Variants in DLGAP1 observed in about 807,000 individuals in gnomAD.
The protein encoded by DLGAP1 is DLG associated protein 1.
Under a neutral mutation model 90.8 loss-of-function variants are expected in DLGAP1, and 11 were observed. The observed-to-expected ratio is 0.12, with a 90% CI of 0.08 to 0.20. DLGAP1 has a LOEUF of 0.20. DLGAP1 is among the 10% of genes least tolerant of loss of function. DLGAP1 has a pLI of 1.00. For synonymous variants in DLGAP1, 558 were observed against 540.7 expected, an observed-to-expected ratio of 1.03 and a Z score of -0.44; for missense variants, 1,050 against 1,333.8, an observed-to-expected ratio of 0.79 and a Z score of 3.31.
At chr18:3,943,451 G>T (rs1177419463) in intron 3 of DLGAP1, among the ~76,000 whole-genome samples, 7 of 131,240 alleles carry the variant, frequency 5.3e-5, no homozygotes, top group Admixed American at 1.6e-4. Context: ...GAAAGAGAGG[G>T]TTTTTTTTTT....
intron 1 of DLGAP1, among the ~76,000 whole-genome samples, chr18:4,225,543 A>G (rs138818334): frequency 1.3e-5 from 2 of 152,256 alleles, no homozygotes; most frequent in East Asian, 1.9e-4. Context: ...AGGAAACTCA[A>G]TGAAATTCAA....
intron 4 of DLGAP1, among the ~76,000 whole-genome samples, chr18:3,849,901 G>A (rs191643475): frequency 7.2e-5 from 11 of 152,208 alleles, no homozygotes; most frequent in Middle Eastern, 6.8e-3. Context: ...CATTAACTGC[G>A]ATTAGCAAAA....
At chr18:3,693,660 C>T (rs1469001659) in intron 7 of DLGAP1, among the ~76,000 whole-genome samples, 2 of 152,078 alleles carry the variant, frequency 1.3e-5, no homozygotes, top group Admixed American at 6.6e-5. Context: ...TACTGAGGAC[C>T]ATAAATTCTC....
chr18:4,056,563 G>A (rs1199460832), intron 2 of DLGAP1, among the ~76,000 whole-genome samples: 1 of 152,118 alleles, frequency 6.6e-6, no homozygotes, highest in Non-Finnish European at 1.5e-5. Context: ...AATTCCAAAG[G>A]AAGCTAACAA....
At chr18:3,761,777 T>C (rs918208951) in intron 5 of DLGAP1, among the ~76,000 whole-genome samples, 16 of 152,184 alleles carry the variant, frequency 1.1e-4, no homozygotes, top group Non-Finnish European at 1.9e-4. Context: ...GGTTTCACCA[T>C]GTTGGCTAGG....
chr18:3,682,561 T>C (rs1392766678), intron 7 of DLGAP1, among the ~76,000 whole-genome samples: 1 of 152,226 alleles, frequency 6.6e-6, no homozygotes, highest in Non-Finnish European at 1.5e-5. Context: ...AAAGATGCTA[T>C]TCATTTATGA....
chr18:4,286,612 A>G (rs1223711130), intron 1 of DLGAP1, among the ~76,000 whole-genome samples: 1 of 152,088 alleles, frequency 6.6e-6, no homozygotes, highest in Non-Finnish European at 1.5e-5. Context: ...AGAAGAGCAG[A>G]GTTTGGGAAT....
At chr18:4,356,453 T>C (rs2081518029) in intron 1 of DLGAP1, among the ~76,000 whole-genome samples, 1 of 152,148 alleles carries the variant, frequency 6.6e-6, no homozygotes, top group South Asian at 2.1e-4. Context: ...CCATCCCCGT[T>C]TTTTCCTATG....
intron 1 of DLGAP1, among the ~76,000 whole-genome samples, chr18:4,186,302 T>G (rs559263946): frequency 3.5e-4 from 53 of 152,324 alleles, no homozygotes; most frequent in African/African-American, 1.3e-3. Flanking sequence ...TTTGTCAACT[T>G]CTGCTTTTGT....
chr18:4,057,004 T>TACAC (rs55887550), intron 2 of DLGAP1, among the ~76,000 whole-genome samples: 2,409 of 115,022 alleles, frequency 0.021, 70 homozygotes, highest in Admixed American at 0.03. Flanking sequence ...TGACCATACA[T>TACAC]ACACACACAC....
intron 1 of DLGAP1, among the ~76,000 whole-genome samples, chr18:4,322,943 G>GAACAAAAAAA (rs1568513548): frequency 1.0e-5 from 1 of 97,602 alleles, no homozygotes. Context: ...CCTGGGCACA[G>GAACAAAAAAA]AAAAAAAAAA....
At chr18:4,453,006 T>TA (rs1247735541) in intron 1 of DLGAP1, among the ~76,000 whole-genome samples, 4 of 152,214 alleles carry the variant, frequency 2.6e-5, no homozygotes, top group Admixed American at 6.5e-5. Flanking sequence ...GCTATAAATT[T>TA]AAAAAAATCT....
At chr18:4,139,433 A>C (rs1471966681) in intron 2 of DLGAP1, among the ~76,000 whole-genome samples, 3 of 151,916 alleles carry the variant, frequency 2.0e-5, no homozygotes, top group Non-Finnish European at 4.4e-5. Flanking sequence ...TAGTTTCCAA[A>C]GTTCCTCGTT....
chr18:3,684,356 A>AT (rs71160911), intron 7 of DLGAP1, among the ~76,000 whole-genome samples: 34,931 of 109,152 alleles, frequency 0.32, 6,243 homozygotes, highest in East Asian at 0.45. Flanking sequence ...TGCCTGGCTA[A>AT]TTTTTTTTTT....
intron 1 of DLGAP1, among the ~76,000 whole-genome samples, chr18:4,158,412 G>C (rs566149838): frequency 6.6e-5 from 10 of 152,250 alleles, no homozygotes; most frequent in South Asian, 2.1e-4. Context: ...TTCCGAATAA[G>C]GGACCTGCAT....
intron 1 of DLGAP1, among the ~76,000 whole-genome samples, chr18:4,240,853 T>C (rs1397884955): frequency 6.6e-6 from 1 of 152,240 alleles, no homozygotes; most frequent in Admixed American, 6.5e-5. Context: ...AAAAGTTCCA[T>C]GTGGTTACTA....
chr18:3,899,949 C>T (rs1413542110), intron 3 of DLGAP1, among the ~76,000 whole-genome samples: 2 of 152,056 alleles, frequency 1.3e-5, no homozygotes, highest in African/African-American at 4.8e-5. Flanking sequence ...TGTTTAGACC[C>T]TGGGAATGGC....
rs1016077270 is a variant in DLGAP1 at position 3,653,121 on chromosome 18, T to C, written c.1592-70873A>G. On this transcript the variant is annotated intron_variant, in intron 7 of 12. Coordinates refer to ENST00000315677, the MANE Select transcript of DLGAP1 (RefSeq NM_004746.4). This position sits in a 1 kb window ranked among gnomAD's most constrained non-coding sequence, Gnocchi z 4.6. ...TGTTTTGGCCCTACTGGTGAAAATA[T>C]GTAGACCTAACATCTATCTCCCTGC... Among the ~76,000 whole-genome samples, 2 of 152,230 alleles carry C rather than the reference T, an allele frequency of 1.3e-5. No homozygotes were observed. Among genetic ancestry groups the C allele is most frequent in the Non-Finnish European group, 2.9e-5 (2 of 68,048 alleles).
At chr18:4,026,415 G>A (rs1568358611) in intron 2 of DLGAP1, among the ~76,000 whole-genome samples, 1 of 152,172 alleles carries the variant, frequency 6.6e-6, no homozygotes, top group African/African-American at 2.4e-5. Context: ...CTCCAGTTTA[G>A]AAGGGGTTTT....
Sources: gnomAD v4.1 joint callset for allele counts (sites outside exome capture counted in the v4.1 genomes callset) on GRCh38, gnomAD v4.1.1 for gene constraint, Gnocchi (gnomAD v3.1) non-coding constraint, MANE v1.5 for transcripts, NCBI Gene and HGNC (gene_info 2026-07-23, HGNC 2026-07-21) for gene names.